PHF14: variants seen among roughly 807,000 people sequenced by gnomAD.
The protein encoded by PHF14 is PHD finger protein 14.
Under a neutral mutation model 117.9 loss-of-function variants are expected in PHF14, and 55 were observed. The ratio of observed to expected loss-of-function variants is 0.47; its 90% CI spans 0.38 to 0.58. PHF14 has a LOEUF of 0.58. Ranked by LOEUF, PHF14 falls within the 20% of genes least tolerant of loss-of-function variation. The pLI is 0.00. For synonymous variants in PHF14, 409 were observed against 368.6 expected (o/e 1.11, Z -1.26); for missense variants, 978 against 1,122.2 (o/e 0.87, Z 1.84).
intron 17 of PHF14, among the ~76,000 whole-genome samples, chr7:11,123,430 A>T (rs974358199): frequency 1.3e-5 from 2 of 148,488 alleles, no homozygotes; most frequent in Non-Finnish European, 2.9e-5. Flanking sequence ...TATTCTGAAG[A>T]TATGATTAAA....
At chr7:11,016,585 A>G (rs1489956997) in intron 5 of PHF14, among the ~76,000 whole-genome samples, 2 of 151,844 alleles carry the variant, frequency 1.3e-5, no homozygotes, top group East Asian at 3.9e-4. Context: ...CTCCTTTTTT[A>G]TTTTTTATTT....
At chr7:10,991,986 A>C (rs906179834) in intron 4 of PHF14, among the ~76,000 whole-genome samples, 6 of 151,348 alleles carry the variant, frequency 4.0e-5, no homozygotes, top group African/African-American at 1.5e-4. Flanking sequence ...AAAGTTGACT[A>C]TTTTAGTCTG....
intron 16 of PHF14, chr7:11,108,654 ATCTT>A (rs1468152793): frequency 3.3e-5 from 5 of 151,940 alleles, no homozygotes; most frequent in East Asian, 1.9e-4. Context: ...AGCATATAAA[ATCTT>A]TCTCTTCCTC....
intron 17 of PHF14, among the ~76,000 whole-genome samples, chr7:11,157,404 GGT>G (rs1788897433): frequency 6.8e-6 from 1 of 148,124 alleles, no homozygotes; most frequent in Non-Finnish European, 1.5e-5. Context: ...AAAAAAAATA[GGT>G]GTTGATTGCC....
intron 16 of PHF14, among the ~76,000 whole-genome samples, chr7:11,068,191 A>G (rs1269999195): frequency 1.2e-4 from 18 of 151,908 alleles, no homozygotes; most frequent in Admixed American, 1.2e-3. Flanking sequence ...TCTACTAAAA[A>G]ATACAAAAAA....
intron 16 of PHF14, among the ~76,000 whole-genome samples, chr7:11,101,067 GCA>G (rs1000969205): frequency 2.0e-5 from 3 of 151,778 alleles, no homozygotes; most frequent in African/African-American, 4.8e-5. Context: ...TTAAAATACT[GCA>G]CAGTTTTTTG....
At chr7:11,127,511 A>C (rs1321359179) in intron 17 of PHF14, among the ~76,000 whole-genome samples, 2 of 151,996 alleles carry the variant, frequency 1.3e-5, no homozygotes, top group Non-Finnish European at 1.5e-5. Flanking sequence ...AGCCATTCCC[A>C]CTGCAGCCAT....
rs914841749 is a variant in PHF14 at position 11,034,444 on chromosome 7, A to G, written c.1456-1196A>G. On this transcript the variant is annotated intron_variant, in intron 7 of 17. Coordinates refer to ENST00000634607, the MANE Select transcript of PHF14 (RefSeq NM_001007157.2). ...ATGAATGAAAATGTACTGTTAGGCT[A>G]TGAGAGAGCTGTAATTCCACTTGAG... Among the ~76,000 whole-genome samples, 9 of 151,054 alleles carry G rather than the reference A, an allele frequency of 6.0e-5. No homozygotes were observed. The South Asian group carries it at 8.4e-4, about 14-fold the overall frequency.
At chr7:11,098,260 A>C (rs10249565) in intron 16 of PHF14, among the ~76,000 whole-genome samples, 2 of 152,160 alleles carry the variant, frequency 1.3e-5, no homozygotes, top group Non-Finnish European at 2.9e-5. Flanking sequence ...TATTTTGGGA[A>C]CAGTTTTCTA....
chr7:11,115,068 A>G (rs1397216499), intron 17 of PHF14, among the ~76,000 whole-genome samples: 3 of 152,072 alleles, frequency 2.0e-5, no homozygotes, highest in Admixed American at 6.6e-5. Context: ...CCCAAGTCAC[A>G]TATCTGGAAT....
At chr7:11,034,830 T>C (rs1784259733) in intron 7 of PHF14, among the ~76,000 whole-genome samples, 1 of 152,112 alleles carries the variant, frequency 6.6e-6, no homozygotes, top group Non-Finnish European at 1.5e-5. Context: ...ATTACAGGCA[T>C]GTGCCACCAC....
chr7:11,080,089 G>A (rs1253624984), intron 16 of PHF14, among the ~76,000 whole-genome samples: 3 of 152,056 alleles, frequency 2.0e-5, no homozygotes, highest in African/African-American at 4.8e-5. Flanking sequence ...GTTATTCCAC[G>A]TAAAATGAGT....
At chr7:11,081,108 T>C (rs926509190) in intron 16 of PHF14, among the ~76,000 whole-genome samples, 1 of 152,176 alleles carries the variant, frequency 6.6e-6, no homozygotes, top group Non-Finnish European at 1.5e-5. Flanking sequence ...TGTGTGTATA[T>C]AAATATATGT....
chr7:11,006,815 G>C (rs117990660), intron 4 of PHF14: 15,884 of 792,410 alleles, frequency 0.02, 231 homozygotes, highest in Middle Eastern at 0.047. Flanking sequence ...GAAAGCCTTC[G>C]GTTTGGCTTC....
At chr7:10,983,958 A>G (rs992525606) in intron 3 of PHF14, among the ~76,000 whole-genome samples, 2 of 152,070 alleles carry the variant, frequency 1.3e-5, no homozygotes, top group African/African-American at 2.4e-5. Flanking sequence ...GTGTTTTTGT[A>G]TATGTTTTTC....
chr7:11,013,670 A>T (rs970337904), intron 4 of PHF14, 77 bp from the exon 5 acceptor site: 7 of 728,432 alleles, frequency 9.6e-6, no homozygotes, highest in Non-Finnish European at 1.5e-5. Context: ...TCTCTTTGCT[A>T]TTCTTTTTCT....
At chr7:11,083,597 A>T (rs1045559113) in intron 16 of PHF14, among the ~76,000 whole-genome samples, 1 of 149,556 alleles carries the variant, frequency 6.7e-6, no homozygotes, top group African/African-American at 2.5e-5. Flanking sequence ...AGTAGCTGGG[A>T]TTACAGGTGC....
chr7:11,063,517 A>G, intron 16 of PHF14: 1 of 981,412 alleles, frequency 1.0e-6, no homozygotes, highest in Non-Finnish European at 1.2e-6. Context: ...ATTTTGAAAC[A>G]GTAGTTAAAA....
intron 16 of PHF14, among the ~76,000 whole-genome samples, chr7:11,098,332 C>T (rs973692488): frequency 6.6e-6 from 1 of 152,146 alleles, no homozygotes; most frequent in Non-Finnish European, 1.5e-5. Flanking sequence ...TGAGACCTTT[C>T]GCAGTGTCTA....
Sources: allele counts gnomAD v4.1 joint callset (sites outside exome capture counted in the v4.1 genomes callset), GRCh38; gene constraint gnomAD v4.1.1; transcripts MANE v1.5; gene names NCBI Gene and HGNC (gene_info 2026-07-23, HGNC 2026-07-21).